The following SUSD4 variants were observed in gnomAD, a reference collection of about 807,000 sequenced individuals.
SUSD4 encodes sushi domain-containing protein 4.
SUSD4 carries 41 observed loss-of-function variants against 50.5 expected under a neutral mutation model. The ratio of observed to expected loss-of-function variants is 0.81; its 90% confidence interval spans 0.63 to 1.05. The LOEUF is 1.05. SUSD4 is among the 50% of genes least tolerant of loss of function. The pLI is 0.00. For synonymous variants in SUSD4, 257 were observed against 257.3 expected (o/e 1.00, Z 0.01); for missense variants, 580 against 634.7 (o/e 0.91, Z 0.93).
intron 5 of SUSD4, among the ~76,000 whole-genome samples, chr1:223,255,831 G>A (rs1661650089): frequency 6.6e-6 from 1 of 152,194 alleles, no homozygotes; most frequent in Admixed American, 6.5e-5. Context: ...GCAGGATCAC[G>A]GATAAGCCTG....
intron 7 of SUSD4, among the ~76,000 whole-genome samples, 190 bp from the exon 8 acceptor site, chr1:223,223,821 G>GC (rs1659306974): frequency 6.6e-6 from 1 of 152,242 alleles, no homozygotes; most frequent in Admixed American, 6.5e-5. Flanking sequence ...CATCCCGGCT[G>GC]CCCATGCTCC....
chr1:223,302,429 G>A (rs1166499331), intron 2 of SUSD4, among the ~76,000 whole-genome samples: 2 of 152,122 alleles, frequency 1.3e-5, no homozygotes, highest in South Asian at 4.1e-4. Flanking sequence ...CTAGACCAAG[G>A]CATCAGCACA....
intron 3 of SUSD4, among the ~76,000 whole-genome samples, chr1:223,291,465 G>A (rs1444079800): frequency 2.5e-5 from 3 of 119,484 alleles, no homozygotes; most frequent in Non-Finnish European, 4.8e-5. Flanking sequence ...CTCTAGCCTG[G>A]ATGACAGAGG....
intron 2 of SUSD4, among the ~76,000 whole-genome samples, chr1:223,349,364 T>C (rs761835218): frequency 6.6e-6 from 1 of 152,148 alleles, no homozygotes; most frequent in East Asian, 1.9e-4. Flanking sequence ...TAAACCAGGG[T>C]GGGCTCAGCG....
chr1:223,272,250 A>G (rs999384174), intron 3 of SUSD4, among the ~76,000 whole-genome samples: 3 of 152,242 alleles, frequency 2.0e-5, no homozygotes, highest in African/African-American at 7.2e-5. Context: ...GTCAACAATT[A>G]GAACTTACGT....
intron 5 of SUSD4, among the ~76,000 whole-genome samples, chr1:223,242,905 T>A (rs1660678635): frequency 6.6e-6 from 1 of 152,202 alleles, no homozygotes; most frequent in Non-Finnish European, 1.5e-5. Context: ...GCCAGTTGTC[T>A]GAGTCCCCAA....
intron 2 of SUSD4, among the ~76,000 whole-genome samples, chr1:223,356,797 A>G (rs1668692845): frequency 6.6e-6 from 1 of 152,170 alleles, no homozygotes; most frequent in Non-Finnish European, 1.5e-5. Flanking sequence ...AATTTAACAA[A>G]CAACAACAAA....
At chr1:223,291,639 A>T (rs1028803616) in intron 3 of SUSD4, among the ~76,000 whole-genome samples, 1 of 152,194 alleles carries the variant, frequency 6.6e-6, no homozygotes, top group African/African-American at 2.4e-5. Flanking sequence ...AACTGAAACT[A>T]ATTTCAAATG....
intron 3 of SUSD4, among the ~76,000 whole-genome samples, chr1:223,284,372 G>A (rs142820409): frequency 6.6e-6 from 1 of 152,136 alleles, no homozygotes; most frequent in Non-Finnish European, 1.5e-5. Flanking sequence ...ATCATGTTTG[G>A]TCAGGTGAGA....
Position 223,364,124 on chromosome 1 carries a change from C to T in SUSD4, c.-103G>A, listed in dbSNP as rs1262445690. 1 of 152,486 alleles carries T rather than the reference C, an allele frequency of 6.6e-6. No individual in the cohort carries two copies. The highest frequency in any genetic ancestry group is 1.5e-5 in the Non-Finnish European group (1 of 68,054). The allele number at this position is 152,486 out of a possible 1,614,324, so 9.4% of individuals were successfully genotyped here. ...CTCCCCCCGCCAGTCTAACCCGCATCTGTGCGCGACCTCTGCTGCCGCCGC... is the reference window on the plus strand; with the variant it reads ...CTCCCCCCGCCAGTCTAACCCGCATTTGTGCGCGACCTCTGCTGCCGCCGC... On this transcript the variant is annotated 5_prime_UTR_variant, in exon 1 of 9. Coordinates refer to ENST00000366878, the MANE Select transcript of SUSD4 (RefSeq NM_017982.4). This position sits in a 1 kb window ranked among gnomAD's most constrained non-coding sequence, Gnocchi z 4.5.
At chr1:223,255,672 G>A (rs1418503716) in intron 5 of SUSD4, among the ~76,000 whole-genome samples, 3 of 152,140 alleles carry the variant, frequency 2.0e-5, no homozygotes, top group African/African-American at 7.2e-5. Flanking sequence ...GCGAGGGAAG[G>A]GCAGAGCTTA....
intron 2 of SUSD4, among the ~76,000 whole-genome samples, chr1:223,333,009 T>G (rs1667260053): frequency 6.6e-6 from 1 of 152,142 alleles, no homozygotes; most frequent in South Asian, 2.1e-4. Flanking sequence ...GGAAATCATG[T>G]CAGCACCAGG....
intron 3 of SUSD4, among the ~76,000 whole-genome samples, chr1:223,290,483 T>G (rs560027377): frequency 1.3e-5 from 2 of 152,328 alleles, no homozygotes; most frequent in Non-Finnish European, 2.9e-5. Flanking sequence ...AAAGGTAATA[T>G]CTGCTCTTCC....
chr1:223,240,153 T>G (rs1169194467), intron 5 of SUSD4, among the ~76,000 whole-genome samples: 1 of 152,184 alleles, frequency 6.6e-6, no homozygotes, highest in Non-Finnish European at 1.5e-5. Flanking sequence ...CAGATATAAT[T>G]CTTATCTTTG....
rs1413098919 is a variant in SUSD4 at position 223,271,761 on chromosome 1, A to ATTTCT, written c.362-3087_362-3086insAGAAA. ...TGAAGTAGGAAGAAGGTATCTAGAA[A>ATTTCT]AAAGTATGTGCCCAGTGAGTTCTCT... is the stretch of plus-strand genomic sequence containing the variant. On this transcript the variant is annotated intron_variant, in intron 3 of 8. Coordinates refer to ENST00000366878, the MANE Select transcript of SUSD4 (RefSeq NM_017982.4). Among the ~76,000 whole-genome samples the ATTTCT allele has an allele frequency of 1.0e-3, 154 of 152,332 alleles. 2 individuals carry two copies. The highest frequency in any genetic ancestry group is 3.7e-3 in the African/African-American group (153 of 41,564).
At chr1:223,345,865 C>T (rs528971843) in intron 2 of SUSD4, among the ~76,000 whole-genome samples, 6 of 152,290 alleles carry the variant, frequency 3.9e-5, no homozygotes, top group African/African-American at 1.4e-4. Flanking sequence ...CAGAATTCAG[C>T]CTTTGAAATG....
At chr1:223,360,118 C>A in intron 2 of SUSD4, 1 of 444,272 alleles carries the variant, frequency 2.3e-6, no homozygotes, top group Non-Finnish European at 4.7e-6. Context: ...GAAGCTGAGG[C>A]TCCCAAGTCC....
At chr1:223,344,751 G>A (rs568548553) in intron 2 of SUSD4, among the ~76,000 whole-genome samples, 1 of 152,282 alleles carries the variant, frequency 6.6e-6, no homozygotes, top group African/African-American at 2.4e-5. Flanking sequence ...GACTGAGTGT[G>A]CTCTTCCTAA....
chr1:223,308,493 C>T (rs1285712656), intron 2 of SUSD4, among the ~76,000 whole-genome samples: 1 of 152,132 alleles, frequency 6.6e-6, no homozygotes, highest in Non-Finnish European at 1.5e-5. Flanking sequence ...AAACCTCTTT[C>T]CTTATAAATT....
Sources: allele counts gnomAD v4.1 joint callset (sites outside exome capture counted in the v4.1 genomes callset), GRCh38; gene constraint gnomAD v4.1.1; non-coding constraint Gnocchi (gnomAD v3.1); transcripts MANE v1.5; gene names NCBI Gene and HGNC (gene_info 2026-07-23, HGNC 2026-07-21).